The following REPS2 variants were observed in gnomAD, a reference collection of about 807,000 sequenced individuals.
REPS2 encodes the protein RALBP1 associated Eps domain containing 2.
A neutral mutation model predicts 53.6 loss-of-function variants in REPS2; 23 were observed. That is an observed-to-expected ratio of 0.43 (90% CI 0.31 to 0.61). REPS2 has a LOEUF of 0.61. REPS2 is among the 20% of genes least tolerant of loss of function. The pLI, the probability that REPS2 is intolerant of heterozygous loss-of-function variation, is 0.11. For missense variants in REPS2, 446 were observed against 534.9 expected (o/e 0.83, Z 1.64); for synonymous variants, 238 against 218.6 (o/e 1.09, Z -0.78).
intron 17 of REPS2, among the ~76,000 whole-genome samples, chrX:17,140,715 T>C (rs2063431302): frequency 9.5e-6 from 1 of 105,080 alleles, no homozygotes. Flanking sequence ...GTAAAATGTT[T>C]ATACAAAATG....
chrX:17,183,317 A>G, the REPS2 span, among the ~76,000 whole-genome samples: 2 of 112,562 alleles, frequency 1.8e-5, no homozygotes, highest in Admixed American at 9.4e-5. Context: ...AAAAACCTGT[A>G]TGAAATATGA....
Position 16,980,318 on chromosome X carries a change from T to G in REPS2, c.274-25903T>G, listed in dbSNP as rs113085585. 5.2e-3 allele frequency among the ~76,000 whole-genome samples: 564 copies of G among 108,940 alleles called. 5 individuals carry two copies. The highest frequency in any genetic ancestry group is 0.018 in the African/African-American group (540 of 29,911). 94.6% of individuals were successfully genotyped at this position (108,940 alleles called of 115,157 possible). A position where few individuals can be genotyped will look rare whatever the true frequency, so the allele number is the denominator to read the frequency against. On this transcript the variant is annotated intron_variant, in intron 1 of 17. Transcript: ENST00000357277. The stretch of plus-strand genomic sequence containing the variant: ...TTCTTTATTTTTTATTTTTAAATTT[T>G]TTTTAGATGGAGTCTCACTCTGTCG...
chrX:17,123,197 C>T (rs760443204), intron 14 of REPS2, among the ~76,000 whole-genome samples: 2 of 111,345 alleles, frequency 1.8e-5, no homozygotes, highest in South Asian at 3.8e-4. Context: ...CCCTGGGGAG[C>T]GTGAGTCTCT....
chrX:16,989,061 A>G (rs1405617919), intron 1 of REPS2, among the ~76,000 whole-genome samples: 1 of 111,817 alleles, frequency 8.9e-6, no homozygotes, highest in African/African-American at 3.2e-5. Context: ...ATATAACTAC[A>G]GTAATCAAGA....
intron 16 of REPS2, chrX:17,136,261 G>A (rs1215635847): frequency 8.9e-6 from 1 of 112,372 alleles, no homozygotes; most frequent in East Asian, 2.8e-4. Context: ...AGGTTCTGTG[G>A]GAGATGTTAG....
chrX:17,093,362 C>T (rs374404385), intron 13 of REPS2, among the ~76,000 whole-genome samples: 7 of 104,594 alleles, frequency 6.7e-5, no homozygotes, highest in African/African-American at 2.5e-4. Context: ...AATGAGTACT[C>T]GTAATTTTCC....
chrX:16,999,572 T>C (rs1039620009), intron 1 of REPS2, among the ~76,000 whole-genome samples: 7 of 110,560 alleles, frequency 6.3e-5, no homozygotes, highest in African/African-American at 2.3e-4. Context: ...TTATAGTTTA[T>C]TGTAGTCCTT....
downstream of REPS2, among the ~76,000 whole-genome samples, chrX:17,157,639 C>A (rs1426795): frequency 4.5e-5 from 5 of 110,350 alleles, no homozygotes; most frequent in Non-Finnish European, 9.5e-5. Context: ...GGACAATCCC[C>A]CACAACAAAG....
intron 5 of REPS2, among the ~76,000 whole-genome samples, chrX:17,039,138 C>T (rs1161773813): frequency 3.6e-5 from 4 of 111,724 alleles, no homozygotes; most frequent in African/African-American, 1.3e-4. Context: ...GTCATCGCTT[C>T]GTTAATGGAA....
chrX:17,095,197 G>A (rs2062679222), intron 13 of REPS2, among the ~76,000 whole-genome samples: 1 of 112,026 alleles, frequency 8.9e-6, no homozygotes, highest in African/African-American at 3.2e-5. Context: ...GAATGGTCTG[G>A]CCAGGCCATC....
At chrX:17,064,433 G>A (rs2062199926) in intron 9 of REPS2, among the ~76,000 whole-genome samples, 1 of 111,856 alleles carries the variant, frequency 8.9e-6, no homozygotes, top group Non-Finnish European at 1.9e-5. Flanking sequence ...AGGTGGTTGT[G>A]TTCTGAACAA....
intron 10 of REPS2, 96 bp from the exon 11 acceptor site, chrX:17,069,840 CTTTG>C (rs2062279318): frequency 2.2e-6 from 1 of 452,960 alleles, no homozygotes; most frequent in South Asian, 7.3e-5. Flanking sequence ...ACTAGCGATT[CTTTG>C]TTTGAATCCA....
At chrX:17,031,545 A>G (rs1309392225) in intron 5 of REPS2, among the ~76,000 whole-genome samples, 1 of 112,479 alleles carries the variant, frequency 8.9e-6, no homozygotes, top group African/African-American at 3.2e-5. Flanking sequence ...TTCTGCCCTC[A>G]TGGAGCTACT....
the REPS2 span, among the ~76,000 whole-genome samples, chrX:17,172,604 A>G: frequency 8.9e-6 from 1 of 111,732 alleles, no homozygotes; most frequent in Non-Finnish European, 1.9e-5. Context: ...AGAATGGACT[A>G]CAGGCCCTAG....
At chrX:17,189,304 TAGAC>T in the REPS2 span, among the ~76,000 whole-genome samples, 7 of 108,165 alleles carry the variant, frequency 6.5e-5, no homozygotes. Flanking sequence ...TTTTTTTTTT[TAGAC>T]AGAGTCTCGC....
At position 17,149,704 on chromosome X, in the gene REPS2, C is replaced by T. The variant is rs1206089621; in HGVS notation, c.*2223C>T. Reference sequence around the variant, plus strand: ...ATGTGCACTTTATCTCATAATCTTCCAGTACATATGCTCTCAGTTGGGATA... The same window carrying T: ...ATGTGCACTTTATCTCATAATCTTCTAGTACATATGCTCTCAGTTGGGATA... On this transcript the variant is annotated 3_prime_UTR_variant, in exon 18 of 18. Coordinates refer to ENST00000357277, the MANE Select transcript of REPS2 (RefSeq NM_004726.3). The T allele has an allele frequency of 8.9e-6, 1 of 112,312 alleles. No homozygotes were observed. Among genetic ancestry groups the T allele is most frequent in the Admixed American group, 9.4e-5 (1 of 10,614 alleles). The allele number at this position is 112,312 out of a possible 1,213,427, so 9.3% of individuals were successfully genotyped here. A position where few individuals can be genotyped will look rare whatever the true frequency, so the allele number is the denominator to read the frequency against.
intron 11 of REPS2, among the ~76,000 whole-genome samples, chrX:17,072,254 G>A (rs765979438): frequency 8.9e-6 from 1 of 112,528 alleles, no homozygotes; most frequent in Non-Finnish European, 1.9e-5. Context: ...GTAATATTTT[G>A]CAATTCTAAA....
At chrX:17,018,634 T>C (rs182425076) in intron 2 of REPS2, among the ~76,000 whole-genome samples, 1 of 107,782 alleles carries the variant, frequency 9.3e-6, no homozygotes, top group Non-Finnish European at 1.9e-5. Context: ...GCTCACATTC[T>C]TTTTTGGCAG....
At position 17,072,952 on chromosome X, in the gene REPS2, A is replaced by G. The variant is rs1204524039; in HGVS notation, c.1334-1162A>G. 2.7e-5 allele frequency among the ~76,000 whole-genome samples: 3 copies of G among 112,274 alleles called. No individual in the cohort carries two copies. In the Admixed American group the frequency reaches 2.8e-4, roughly 11 times the overall value. On this transcript the variant is annotated intron_variant, in intron 11 of 17. Coordinates refer to ENST00000357277, the MANE Select transcript of REPS2 (RefSeq NM_004726.3). ...CTCTGGCAGCGTTTCAGCTGTTTGAAGTTGGAAGATCTCTGTGTTCTCACT... is the reference window on the plus strand; with the variant it reads ...CTCTGGCAGCGTTTCAGCTGTTTGAGGTTGGAAGATCTCTGTGTTCTCACT...
Sources: gnomAD v4.1 joint callset for allele counts (sites outside exome capture counted in the v4.1 genomes callset) on GRCh38, gnomAD v4.1.1 for gene constraint, MANE v1.5 for transcripts, NCBI Gene and HGNC (gene_info 2026-07-23, HGNC 2026-07-21) for gene names.